The following SORCS3 variants were observed in gnomAD, a reference collection of about 807,000 sequenced individuals.
SORCS3 encodes the protein sortilin related VPS10 domain containing receptor 3, also known as VPS10 domain-containing receptor SorCS3.
In SORCS3, 57 loss-of-function variants were observed where a neutral mutation model predicts 146.3. That is an observed-to-expected ratio of 0.39 (90% CI 0.31 to 0.49). The LOEUF is 0.49. Ranked by LOEUF, SORCS3 falls within the 20% of genes least tolerant of loss-of-function variation. The probability of loss-of-function intolerance (pLI) is 0.92; values close to 1 mark genes in which losing one functional copy is unlikely to be tolerated. For missense variants in SORCS3, 1,341 were observed against 1,575.5 expected, an observed-to-expected ratio of 0.85 and a Z score of 2.52; for synonymous variants, 653 against 618.5, an observed-to-expected ratio of 1.06 and a Z score of -0.83.
At chr10:104,832,483 C>A (rs2018011754) in intron 1 of SORCS3, among the ~76,000 whole-genome samples, 1 of 152,110 alleles carries the variant, frequency 6.6e-6, no homozygotes, top group Admixed American at 6.6e-5. Context: ...TTTGGGAGGC[C>A]AAGGTGGGCG....
intron 2 of SORCS3, among the ~76,000 whole-genome samples, chr10:104,879,511 T>G (rs1051696719): frequency 1.3e-5 from 2 of 152,202 alleles, no homozygotes; most frequent in African/African-American, 4.8e-5. Context: ...CAACTATATA[T>G]GCTAAGTCCC....
chr10:104,900,599 A>C (rs1312262992), intron 2 of SORCS3, among the ~76,000 whole-genome samples: 5 of 152,110 alleles, frequency 3.3e-5, no homozygotes, highest in Non-Finnish European at 7.4e-5. Context: ...CCCGTGTAAG[A>C]ACATTTTATG....
At chr10:104,973,413 T>C (rs1474686867) in intron 3 of SORCS3, among the ~76,000 whole-genome samples, 2 of 152,172 alleles carry the variant, frequency 1.3e-5, no homozygotes, top group Admixed American at 1.3e-4. Context: ...TTCTTCCTGG[T>C]TTAGTCTTGG....
rs2055347262 is a variant in SORCS3, at chr10:105,042,960, G to T, written c.955-95G>T. 8.0e-6 allele frequency: 8 copies of T among 997,074 alleles called. No homozygotes were observed. In the South Asian group the frequency reaches 9.4e-5, roughly 12 times the overall value. 61.8% of individuals were successfully genotyped at this position (997,074 alleles called of 1,614,324 possible). On this transcript the variant is annotated intron_variant, in intron 4 of 26. Coordinates refer to ENST00000369701, the MANE Select transcript of SORCS3 (RefSeq NM_014978.3). ...AATAAATGCCTACTTGGGTGTGTTG[G>T]GCACTCTGGTGTTGGGATGCTGCAG...
intron 1 of SORCS3, among the ~76,000 whole-genome samples, chr10:104,834,431 T>G (rs1263149049): frequency 2.6e-5 from 4 of 152,150 alleles, no homozygotes; most frequent in Non-Finnish European, 5.9e-5. Context: ...CTGCTGCTGC[T>G]TCTGCCTGAC....
At chr10:105,045,941 T>C (rs1433545960) in intron 5 of SORCS3, among the ~76,000 whole-genome samples, 1 of 152,172 alleles carries the variant, frequency 6.6e-6, no homozygotes, top group Non-Finnish European at 1.5e-5. Context: ...GGGCATGTGA[T>C]AACAACTGAA....
chr10:104,687,129 A>ACATCCATGCATT (rs1185386689), intron 1 of SORCS3, among the ~76,000 whole-genome samples: 1 of 151,718 alleles, frequency 6.6e-6, no homozygotes, highest in African/African-American at 2.4e-5. Flanking sequence ...ACCCATCCAT[A>ACATCCATGCATT]CATCCATGCA....
intron 1 of SORCS3, among the ~76,000 whole-genome samples, chr10:104,741,265 A>G (rs964358174): frequency 6.7e-6 from 1 of 149,840 alleles, no homozygotes; most frequent in Non-Finnish European, 1.5e-5. Context: ...GCCACCAGGG[A>G]CAATCAGACC....
intron 6 of SORCS3, among the ~76,000 whole-genome samples, chr10:105,092,363 A>G (rs1320863555): frequency 6.6e-6 from 1 of 152,060 alleles, no homozygotes; most frequent in Non-Finnish European, 1.5e-5. Context: ...TAGGTTTTTT[A>G]TTTTATTTTA....
In SORCS3 at chr10:105,257,951, G is replaced by A. The variant is rs1039277700; in HGVS notation, c.3443+1027G>A. 2.0e-5 allele frequency among the ~76,000 whole-genome samples: 3 copies of A among 152,102 alleles called. 1 individual carries two copies. The highest frequency in any genetic ancestry group is 7.2e-5 in the African/African-American group (3 of 41,404). On this transcript the variant is annotated intron_variant, in intron 25 of 26. Coordinates refer to ENST00000369701, the MANE Select transcript of SORCS3 (RefSeq NM_014978.3). ...GTAAAAATGTCATTAATTATTGTCA[G>A]ATGAGTTTGAAAGCCTCCTTTAGTC...
At chr10:105,157,485 T>C (rs1462616968) in intron 10 of SORCS3, among the ~76,000 whole-genome samples, 1 of 152,170 alleles carries the variant, frequency 6.6e-6, no homozygotes, top group Non-Finnish European at 1.5e-5. Context: ...TATGCAGGCA[T>C]TTAATGAGGA....
intron 2 of SORCS3, among the ~76,000 whole-genome samples, chr10:104,871,744 G>A (rs189512827): frequency 1.2e-4 from 18 of 152,242 alleles, no homozygotes; most frequent in Admixed American, 6.5e-5. Context: ...TGAGGTACAC[G>A]TGCCCCTGAG....
intron 14 of SORCS3, among the ~76,000 whole-genome samples, chr10:105,196,640 A>C (rs1164493708): frequency 6.6e-6 from 1 of 152,158 alleles, no homozygotes; most frequent in African/African-American, 2.4e-5. Flanking sequence ...CTCACATTTT[A>C]TAAACTTCCA....
At chr10:105,204,717 C>T (rs758428459) in intron 16 of SORCS3, among the ~76,000 whole-genome samples, 10 of 151,510 alleles carry the variant, frequency 6.6e-5, no homozygotes, top group South Asian at 6.2e-4. Flanking sequence ...AAAACTCACA[C>T]GACCTATAAA....
Position 105,014,068 on chromosome 10 carries a change from C to CAT in SORCS3, c.955-28973_955-28972dup, listed in dbSNP as rs59328970. Among the ~76,000 whole-genome samples the CAT allele has an allele frequency of 1.2e-3, 167 of 137,360 alleles. 2 individuals carry two copies. Among genetic ancestry groups the CAT allele is most frequent in the East Asian group, 6.7e-3 (33 of 4,940 alleles). The allele number at this position is 137,360 out of a possible 152,430, so 90.1% of individuals were successfully genotyped here. ...AGACCCCAGCACAGATCTAAATATA[C>CAT]ATATATATATATATACACACATATA... is the stretch of plus-strand genomic sequence containing the variant. On this transcript the variant is annotated intron_variant, in intron 4 of 26. Coordinates refer to ENST00000369701, the MANE Select transcript of SORCS3 (RefSeq NM_014978.3).
chr10:105,028,648 A>G (rs1229733463), intron 4 of SORCS3, among the ~76,000 whole-genome samples: 2 of 152,142 alleles, frequency 1.3e-5, no homozygotes, highest in Non-Finnish European at 2.9e-5. Context: ...CCAAAACTTT[A>G]TTTTTTTGTA....
chr10:105,215,963 T>G, intron 18 of SORCS3, among the ~76,000 whole-genome samples: 1 of 113,822 alleles, frequency 8.8e-6, no homozygotes, highest in South Asian at 3.1e-4. Flanking sequence ...TCCAAAGTGT[T>G]GGCCCAATAT....
chr10:105,070,999 G>A (rs982593703), intron 5 of SORCS3, among the ~76,000 whole-genome samples: 1 of 151,700 alleles, frequency 6.6e-6, no homozygotes, highest in Admixed American at 6.6e-5. Flanking sequence ...AAATTGAAGA[G>A]TCCTGGGAGA....
At chr10:104,704,955 C>G (rs1033553131) in intron 1 of SORCS3, among the ~76,000 whole-genome samples, 7 of 152,154 alleles carry the variant, frequency 4.6e-5, no homozygotes, top group Non-Finnish European at 5.9e-5. Flanking sequence ...GTTTTCTTCT[C>G]TCCTCCTCCA....
Sources: gnomAD v4.1 joint callset for allele counts (sites outside exome capture counted in the v4.1 genomes callset) on GRCh38, gnomAD v4.1.1 for gene constraint, MANE v1.5 for transcripts, NCBI Gene and HGNC (gene_info 2026-07-23, HGNC 2026-07-21) for gene names.